Variants in TCF4 observed in about 807,000 individuals in gnomAD.
TCF4 encodes the protein SL3-3 enhancer factor 2.
TCF4 carries 3 observed loss-of-function variants against 82.1 expected under a neutral mutation model. The observed-to-expected ratio is 0.04, with a 90% CI of 0.02 to 0.09. The LOEUF is 0.09. TCF4 is among the 10% of genes least tolerant of loss of function. The pLI, the probability that TCF4 is intolerant of heterozygous loss-of-function variation, is 1.00. For missense variants in TCF4, 518 were observed against 852.7 expected (o/e 0.61, Z 4.89); for synonymous variants, 276 against 309.6 (o/e 0.89, Z 1.14).
At chr18:55,578,734 C>T (rs2097550520) in intron 3 of TCF4, among the ~76,000 whole-genome samples, 1 of 151,890 alleles carries the variant, frequency 6.6e-6, no homozygotes, top group Non-Finnish European at 1.5e-5. Flanking sequence ...CAAATACTGC[C>T]GCACATGTGA....
chr18:55,292,676 T>G (rs1273067601), intron 8 of TCF4, among the ~76,000 whole-genome samples: 1 of 147,366 alleles, frequency 6.8e-6, no homozygotes, highest in Non-Finnish European at 1.5e-5. Context: ...TGGAACTTCC[T>G]AATCTATAAA....
chr18:55,586,915 AT>A, intron 2 of TCF4, 129 bp downstream of exon 2: 2 of 788,796 alleles, frequency 2.5e-6, no homozygotes, highest in Non-Finnish European at 4.3e-6. Flanking sequence ...AGACCTTCAT[AT>A]TTACCAAGGA....
chr18:55,611,465 T>C (rs1234856156), intron 2 of TCF4, among the ~76,000 whole-genome samples: 1 of 152,176 alleles, frequency 6.6e-6, no homozygotes, highest in African/African-American at 2.4e-5. Flanking sequence ...CATGACACCC[T>C]ACCTAGAGCC....
At chr18:55,354,284 A>C in intron 6 of TCF4, among the ~76,000 whole-genome samples, 1 of 152,198 alleles carries the variant, frequency 6.6e-6, no homozygotes, top group Admixed American at 6.5e-5. Flanking sequence ...TGGCCATTCA[A>C]ATCCCCAAAT....
At chr18:55,403,321 AAG>A (rs1376451291) in intron 6 of TCF4, 131 bp downstream of exon 6, 9 of 984,336 alleles carry the variant, frequency 9.1e-6, no homozygotes, top group African/African-American at 1.6e-5. Flanking sequence ...TCATTACTTA[AAG>A]AGAGAGCCAT....
At chr18:55,469,690 A>T (rs768660063) in intron 3 of TCF4, 1 of 152,228 alleles carries the variant, frequency 6.6e-6, no homozygotes, top group Non-Finnish European at 1.5e-5. Context: ...GACAAACTTT[A>T]GAAAACACAG....
chr18:55,380,037 G>A (rs1347393295), intron 6 of TCF4, among the ~76,000 whole-genome samples: 3 of 152,030 alleles, frequency 2.0e-5, no homozygotes, highest in Non-Finnish European at 4.4e-5. Context: ...CACCACATCT[G>A]GCTAATTTTG....
At chr18:55,611,675 A>G (rs1031693554) in intron 2 of TCF4, among the ~76,000 whole-genome samples, 1 of 152,242 alleles carries the variant, frequency 6.6e-6, no homozygotes, top group Non-Finnish European at 1.5e-5. Flanking sequence ...AGTAAAAATA[A>G]GCAAGTAAAA....
At chr18:55,441,911 A>C (rs943826824) in intron 5 of TCF4, among the ~76,000 whole-genome samples, 2 of 152,152 alleles carry the variant, frequency 1.3e-5, no homozygotes, top group African/African-American at 4.8e-5. Flanking sequence ...AATAAATGGG[A>C]AGTCAACTGA....
intron 6 of TCF4, among the ~76,000 whole-genome samples, chr18:55,395,181 A>T (rs1044462077): frequency 3.3e-5 from 5 of 152,196 alleles, no homozygotes; most frequent in Admixed American, 6.5e-5. Context: ...TTTCTTACAG[A>T]AGGAGGCTAT....
At position 55,524,362 on chromosome 18, in the gene TCF4, T is replaced by TA. The variant is rs566442434; in HGVS notation, c.146-60226dup. 3.8e-3 allele frequency among the ~76,000 whole-genome samples: 574 copies of TA among 149,356 alleles called. 1 individual carries two copies. Among genetic ancestry groups the TA allele is most frequent in the Middle Eastern group, 0.017 (5 of 288 alleles). On this transcript the variant is annotated intron_variant, in intron 3 of 19. Transcript: ENST00000354452. Reference sequence around the variant, plus strand: ...TTCATACACATTATCTAATTCAATTTAAAAAAAAAACTATGAGTTAACTAG... The same window carrying TA: ...TTCATACACATTATCTAATTCAATTTAAAAAAAAAAACTATGAGTTAACTAG...
chr18:55,558,406 T>C (rs682026), intron 3 of TCF4, among the ~76,000 whole-genome samples: 148,546 of 152,258 alleles, frequency 0.98, 72,494 homozygotes, highest in East Asian at 1. Flanking sequence ...GGAATATTTC[T>C]ACTGTCATTT....
At chr18:55,574,640 A>G (rs2097510370) in intron 3 of TCF4, among the ~76,000 whole-genome samples, 1 of 152,228 alleles carries the variant, frequency 6.6e-6, no homozygotes, top group Non-Finnish European at 1.5e-5. Context: ...AGCCTGGCCA[A>G]CATCATTTAT....
chr18:55,473,182 C>T (rs151018500), intron 3 of TCF4, among the ~76,000 whole-genome samples: 2 of 151,960 alleles, frequency 1.3e-5, no homozygotes, highest in Non-Finnish European at 2.9e-5. Context: ...GAACTGTTTC[C>T]TCTTTTCTTC....
chr18:55,355,138 C>T (rs774411426), intron 6 of TCF4, among the ~76,000 whole-genome samples: 1 of 152,118 alleles, frequency 6.6e-6, no homozygotes, highest in Non-Finnish European at 1.5e-5. Flanking sequence ...TGAACTGACT[C>T]TATAAAGCCA....
At position 55,508,242 on chromosome 18, in the gene TCF4, A is replaced by G. The variant is rs143866003; in HGVS notation, c.146-44105T>C. Among the ~76,000 whole-genome samples the G allele has an allele frequency of 5.5e-3, 837 of 152,330 alleles. 4 individuals are homozygous for G. The highest frequency in any genetic ancestry group is 0.019 in the African/African-American group (786 of 41,572). ...AAAGTAAAACTAGAAGCACCTTTAG[A>G]AAACTTTGCTGCTTTAAATTGATCT... On this transcript the variant is annotated intron_variant, in intron 3 of 19. Transcript: ENST00000354452.
At chr18:55,399,388 C>CATT (rs1224177460) in intron 6 of TCF4, among the ~76,000 whole-genome samples, 8 of 152,150 alleles carry the variant, frequency 5.3e-5, no homozygotes, top group Non-Finnish European at 1.0e-4. Context: ...TTCCATTAGT[C>CATT]ATTTTAAGAT....
chr18:55,268,298 C>G (rs1163740948), intron 11 of TCF4: 1 of 152,188 alleles, frequency 6.6e-6, no homozygotes, highest in African/African-American at 2.4e-5. Flanking sequence ...TCTTTATAAC[C>G]AGACCTCATG....
chr18:55,312,141 G>A (rs572589979), intron 8 of TCF4, among the ~76,000 whole-genome samples: 4 of 152,252 alleles, frequency 2.6e-5, no homozygotes, highest in African/African-American at 4.8e-5. Context: ...CATCTAACTC[G>A]AAACAGGAAA....
Sources: gnomAD v4.1 joint callset for allele counts (sites outside exome capture counted in the v4.1 genomes callset) on GRCh38, gnomAD v4.1.1 for gene constraint, MANE v1.5 for transcripts, NCBI Gene and HGNC (gene_info 2026-07-23, HGNC 2026-07-21) for gene names.